The following HS6ST3 variants were observed in gnomAD, a reference collection of about 807,000 sequenced individuals.
HS6ST3 encodes heparan-sulfate 6-O-sulfotransferase 3.
A neutral mutation model predicts 36.7 loss-of-function variants in HS6ST3; 12 were observed. The ratio of observed to expected loss-of-function variants is 0.33; its 90% CI spans 0.21 to 0.53. The LOEUF (loss-of-function observed/expected upper bound fraction) is 0.53, where lower values mean the gene tolerates loss of function less well. HS6ST3 is among the 20% of genes least tolerant of loss of function. The pLI is 0.95. For synonymous variants in HS6ST3, 240 were observed against 257.5 expected, an observed-to-expected ratio of 0.93 and a Z score of 0.65; for missense variants, 584 against 640.9, an observed-to-expected ratio of 0.91 and a Z score of 0.96.
At chr13:96,197,507 A>G (rs552394896) in intron 1 of HS6ST3, among the ~76,000 whole-genome samples, 1 of 152,176 alleles carries the variant, frequency 6.6e-6, no homozygotes, top group South Asian at 2.1e-4. Flanking sequence ...TTCAAAACCA[A>G]TCATGCCTTC....
intron 1 of HS6ST3, among the ~76,000 whole-genome samples, chr13:96,407,636 T>C (rs2055485624): frequency 6.6e-6 from 1 of 152,158 alleles, no homozygotes; most frequent in African/African-American, 2.4e-5. Flanking sequence ...CCTAGCAAGA[T>C]CAAAGCACTG....
chr13:96,222,308 G>A (rs547502856), intron 1 of HS6ST3, among the ~76,000 whole-genome samples: 1 of 152,258 alleles, frequency 6.6e-6, no homozygotes, highest in Admixed American at 6.5e-5. Flanking sequence ...TAATTTCTAG[G>A]CCCTGTAAAA....
At chr13:96,551,876 C>T (rs1027683141) in intron 1 of HS6ST3, among the ~76,000 whole-genome samples, 1 of 152,178 alleles carries the variant, frequency 6.6e-6, no homozygotes, top group Admixed American at 6.5e-5. Flanking sequence ...CTTGTATGTT[C>T]AGCTCTGTAA....
intron 1 of HS6ST3, among the ~76,000 whole-genome samples, chr13:96,583,033 T>C (rs956104885): frequency 1.3e-5 from 2 of 151,986 alleles, no homozygotes; most frequent in Non-Finnish European, 2.9e-5. Flanking sequence ...TTCCAGGTCA[T>C]CATCCTATTT....
intron 1 of HS6ST3, among the ~76,000 whole-genome samples, chr13:96,777,208 A>G (rs1877409824): frequency 6.6e-6 from 1 of 152,232 alleles, no homozygotes; most frequent in Non-Finnish European, 1.5e-5. Flanking sequence ...AATAAGGGCT[A>G]TTCATGACAA....
intron 1 of HS6ST3, among the ~76,000 whole-genome samples, chr13:96,330,045 C>T (rs1406390115): frequency 6.7e-6 from 1 of 149,400 alleles, no homozygotes; most frequent in African/African-American, 2.5e-5. Flanking sequence ...GTAGATCTTC[C>T]ACCATCCTTT....
At chr13:96,559,388 G>A (rs1240962387) in intron 1 of HS6ST3, among the ~76,000 whole-genome samples, 1 of 152,108 alleles carries the variant, frequency 6.6e-6, no homozygotes, top group East Asian at 1.9e-4. Context: ...CAAAGTGCTA[G>A]GATTACAAGT....
At chr13:96,649,553 T>A (rs1401248377) in intron 1 of HS6ST3, among the ~76,000 whole-genome samples, 1 of 152,074 alleles carries the variant, frequency 6.6e-6, no homozygotes, top group African/African-American at 2.4e-5. Flanking sequence ...TCTCTCTGTT[T>A]CATGCTTCAC....
At chr13:96,192,359 T>A (rs2054292123) in intron 1 of HS6ST3, among the ~76,000 whole-genome samples, 1 of 152,188 alleles carries the variant, frequency 6.6e-6, no homozygotes, top group Non-Finnish European at 1.5e-5. Context: ...TATTTCATGC[T>A]GGTGGGGATG....
intron 1 of HS6ST3, among the ~76,000 whole-genome samples, chr13:96,707,599 G>A (rs1566434890): frequency 6.6e-6 from 1 of 152,186 alleles, no homozygotes. Context: ...GAACCTACAT[G>A]GGAGAAGCAC....
At chr13:96,635,633 C>G (rs1484476623) in intron 1 of HS6ST3, among the ~76,000 whole-genome samples, 9 of 152,144 alleles carry the variant, frequency 5.9e-5, no homozygotes, top group Non-Finnish European at 8.8e-5. Flanking sequence ...GCTTATGCAT[C>G]TGTGTTCTGA....
intron 1 of HS6ST3, among the ~76,000 whole-genome samples, chr13:96,094,254 CT>C (rs1220572262): frequency 6.6e-6 from 1 of 152,110 alleles, no homozygotes; most frequent in Non-Finnish European, 1.5e-5. Flanking sequence ...ATGCAAAATG[CT>C]TAGCATAGTA....
chr13:96,242,347 C>T (rs1046219400), intron 1 of HS6ST3, among the ~76,000 whole-genome samples: 2 of 152,014 alleles, frequency 1.3e-5, no homozygotes, highest in African/African-American at 2.4e-5. Context: ...GCCTCAGCCT[C>T]CTAGGTAGCT....
chr13:96,134,371 C>T (rs759554240), intron 1 of HS6ST3, among the ~76,000 whole-genome samples: 5 of 151,576 alleles, frequency 3.3e-5, no homozygotes, highest in Non-Finnish European at 4.4e-5. Context: ...TTTTTACCCC[C>T]TCTTTTTTGG....
intron 1 of HS6ST3, among the ~76,000 whole-genome samples, chr13:96,322,434 G>A (rs946370987): frequency 3.3e-5 from 5 of 151,402 alleles, no homozygotes; most frequent in Admixed American, 3.3e-4. Context: ...GTTCACGCCT[G>A]TAGTCCAAGC....
At chr13:96,265,372 G>A (rs1006464321) in intron 1 of HS6ST3, among the ~76,000 whole-genome samples, 1 of 151,860 alleles carries the variant, frequency 6.6e-6, no homozygotes, top group Non-Finnish European at 1.5e-5. Flanking sequence ...TAGAGATGGT[G>A]TCTCATTATG....
intron 1 of HS6ST3, among the ~76,000 whole-genome samples, chr13:96,117,624 G>A (rs577698585): frequency 6.6e-6 from 1 of 152,298 alleles, no homozygotes; most frequent in East Asian, 1.9e-4. Context: ...ACATGGAAAT[G>A]CTGCAGAAAT....
At chr13:96,193,555 C>T (rs955677962) in intron 1 of HS6ST3, among the ~76,000 whole-genome samples, 2 of 152,078 alleles carry the variant, frequency 1.3e-5, no homozygotes, top group Non-Finnish European at 2.9e-5. Context: ...TTAAACAGGT[C>T]AGAGACTGTG....
chr13:96,527,127 G>A (rs2056117449), intron 1 of HS6ST3, among the ~76,000 whole-genome samples: 2 of 151,420 alleles, frequency 1.3e-5, no homozygotes, highest in African/African-American at 2.4e-5. Flanking sequence ...GTCTTGCTGG[G>A]TCACCCAGGC....
Sources: gnomAD v4.1 joint callset for allele counts (sites outside exome capture counted in the v4.1 genomes callset) on GRCh38, gnomAD v4.1.1 for gene constraint, MANE v1.5 for transcripts, NCBI Gene and HGNC (gene_info 2026-07-23, HGNC 2026-07-21) for gene names.